Variants in FAM53A observed in about 807,000 individuals in gnomAD.
FAM53A encodes family with sequence similarity 53 member A, also known as protein FAM53A.
FAM53A carries 28 observed loss-of-function variants against 26.6 expected under a neutral mutation model. That is an observed-to-expected ratio of 1.05 (90% confidence interval 0.78 to 1.45). FAM53A has a LOEUF of 1.45. Among genes scored for constraint, FAM53A ranks in the 40% most tolerant of loss-of-function variants. FAM53A has a pLI of 0.00. For missense variants in FAM53A, 650 were observed against 575.8 expected (o/e 1.13, Z -1.32); for synonymous variants, 290 against 253.1 (o/e 1.15, Z -1.38).
chr4:1,657,930 C>T (rs575946951), intron 2 of FAM53A, among the ~76,000 whole-genome samples: 3 of 152,142 alleles, frequency 2.0e-5, no homozygotes, highest in South Asian at 2.1e-4. Context: ...TGAGCCACCA[C>T]GCCCGGCTGT....
At chr4:1,667,880 G>C (rs1714349921) in intron 2 of FAM53A, among the ~76,000 whole-genome samples, 1 of 152,152 alleles carries the variant, frequency 6.6e-6, no homozygotes, top group Non-Finnish European at 1.5e-5. Context: ...CTAGGGCGGG[G>C]GGGTCCTGAA....
chr4:1,678,929 C>T (rs1182305949), intron 1 of FAM53A, among the ~76,000 whole-genome samples: 1 of 151,762 alleles, frequency 6.6e-6, no homozygotes, highest in Admixed American at 6.6e-5. Flanking sequence ...AGATAGATAA[C>T]ACAAGAGAAA....
At chr4:1,610,079 T>A in the FAM53A span, among the ~76,000 whole-genome samples, 1 of 150,050 alleles carries the variant, frequency 6.7e-6, no homozygotes, top group South Asian at 2.1e-4. Context: ...GAGATGGGTG[T>A]CTCAGCCCCT....
intron 1 of FAM53A, among the ~76,000 whole-genome samples, chr4:1,619,703 C>T (rs1714945209): frequency 6.6e-6 from 1 of 152,118 alleles, no homozygotes. Context: ...TACTACAGAT[C>T]CCAGTTCTGC....
At chr4:1,589,569 A>C in the FAM53A span, among the ~76,000 whole-genome samples, 1 of 151,832 alleles carries the variant, frequency 6.6e-6, no homozygotes. Context: ...TTTCCATTTC[A>C]ATTTCTTTCT....
chr4:1,641,307 T>A lies in FAM53A; in HGVS notation c.1183A>T (p.Ile395Phe), dbSNP rs150651838. Reference sequence around the variant, plus strand: ...CCCCACCAGCCTCAGTTGTTCTCGATCTGCTCCAGGTCCAGCTCCCAGCGG... The same window carrying A: ...CCCCACCAGCCTCAGTTGTTCTCGAACTGCTCCAGGTCCAGCTCCCAGCGG... ...RARWELDLEQ[I>F]ENN The change falls in exon 5 of 5, where the codon ATC (isoleucine) becomes TTC (phenylalanine). Residue 395 changes from isoleucine (I) to phenylalanine (F), a missense_variant. By Grantham distance (21) the Ile-to-Phe change is conservative. Coordinates refer to ENST00000308132, the MANE Select transcript of FAM53A (RefSeq NM_001174070.3). 1.5e-5 allele frequency: 24 copies of A among 1,612,838 alleles called. No individual in the cohort carries two copies. The highest frequency in any genetic ancestry group is 1.9e-5 in the Non-Finnish European group (23 of 1,179,870).
intron 4 of FAM53A, among the ~76,000 whole-genome samples, chr4:1,647,732 CAT>C (rs751149159): frequency 2.4e-4 from 36 of 152,322 alleles, no homozygotes; most frequent in African/African-American, 6.3e-4. Context: ...GGAGTGTGCA[CAT>C]GAGTGGGAGT....
At chr4:1,621,768 C>G (rs1715046836) in intron 1 of FAM53A, among the ~76,000 whole-genome samples, 1 of 152,232 alleles carries the variant, frequency 6.6e-6, no homozygotes, top group South Asian at 2.1e-4. Context: ...TCACACAGAG[C>G]AGGCTGAACG....
chr4:1,621,086 G>T (rs1715007328), intron 1 of FAM53A, among the ~76,000 whole-genome samples: 2 of 147,036 alleles, frequency 1.4e-5, no homozygotes, highest in African/African-American at 5.0e-5. Context: ...TTTCCTAGCT[G>T]AGTCAGCTAC....
In FAM53A at chr4:1,643,453, G is replaced by A. The variant is rs1279703197; in HGVS notation, c.883-1846C>T. 2.0e-5 allele frequency among the ~76,000 whole-genome samples: 3 copies of A among 151,912 alleles called. 1 individual carries two copies. The highest frequency in any genetic ancestry group is 6.8e-3 in the Middle Eastern group (2 of 292). The stretch of plus-strand genomic sequence containing the variant: ...TGCACTCCAGCCTGGGAGACAGAGT[G>A]AGACTCTGTCTCAAAAAAATAAATA... On this transcript the variant is annotated intron_variant, in intron 4 of 4. Transcript: ENST00000308132.
the FAM53A span, among the ~76,000 whole-genome samples, chr4:1,590,132 C>T: frequency 6.6e-6 from 1 of 152,128 alleles, no homozygotes; most frequent in Non-Finnish European, 1.5e-5. Context: ...TTCCCTTAAC[C>T]AGGGGTATTC....
At chr4:1,613,472 A>G (rs62286191), downstream of FAM53A, among the ~76,000 whole-genome samples, 42,149 of 152,210 alleles carry the variant, frequency 0.28, 6,346 homozygotes, top group African/African-American at 0.34. Flanking sequence ...TGTTGGAGCT[A>G]ATGTTTGAAC....
the FAM53A span, among the ~76,000 whole-genome samples, chr4:1,602,412 C>T: frequency 6.6e-6 from 1 of 152,238 alleles, no homozygotes; most frequent in Admixed American, 6.5e-5. Context: ...CTGGCCCACA[C>T]AAAGGCTGCG....
At chr4:1,615,480 C>G (rs993973100), downstream of FAM53A, among the ~76,000 whole-genome samples, 1 of 145,884 alleles carries the variant, frequency 6.9e-6, no homozygotes, top group Non-Finnish European at 1.5e-5. Context: ...CAGGATGCAG[C>G]CACGCCCACC....
chr4:1,574,928 C>G, the FAM53A span, among the ~76,000 whole-genome samples: 2 of 152,270 alleles, frequency 1.3e-5, no homozygotes. Context: ...GGTGTCAACA[C>G]ATGACATTGA....
At chr4:1,608,207 G>T in the FAM53A span, among the ~76,000 whole-genome samples, 8 of 151,948 alleles carry the variant, frequency 5.3e-5, no homozygotes, top group South Asian at 1.0e-3. Context: ...GGCCCCCCTG[G>T]TCTCCTCAGC....
At chr4:1,615,303 C>G (rs149084610), downstream of FAM53A, among the ~76,000 whole-genome samples, 1 of 123,250 alleles carries the variant, frequency 8.1e-6, no homozygotes, top group Non-Finnish European at 1.6e-5. Flanking sequence ...AGACAGGATG[C>G]GGCCACACCC....
At chr4:1,649,176 A>AAAGGGAAAGGGAAG (rs1560151128) in intron 4 of FAM53A, among the ~76,000 whole-genome samples, 1 of 106,082 alleles carries the variant, frequency 9.4e-6, no homozygotes, top group African/African-American at 4.8e-5. Flanking sequence ...GGAAAGGGAA[A>AAAGGGAAAGGGAAG]GGGAAGGGGA....
At chr4:1,576,745 G>A in the FAM53A span, among the ~76,000 whole-genome samples, 2 of 152,250 alleles carry the variant, frequency 1.3e-5, no homozygotes, top group East Asian at 1.9e-4. Context: ...TCCACATTCT[G>A]GAGAGGTGCC....
Sources: allele counts gnomAD v4.1 joint callset (sites outside exome capture counted in the v4.1 genomes callset), GRCh38; gene constraint gnomAD v4.1.1; transcripts MANE v1.5; gene names NCBI Gene and HGNC (gene_info 2026-07-23, HGNC 2026-07-21).